Variants in TRIM16 observed in about 807,000 individuals in gnomAD.
The protein encoded by TRIM16 is tripartite motif containing 16, also known as tripartite motif-containing protein 16.
A neutral mutation model predicts 50.4 loss-of-function variants in TRIM16; 33 were observed. The ratio of observed to expected loss-of-function variants is 0.65; its 90% CI spans 0.50 to 0.88. TRIM16 has a LOEUF of 0.88. TRIM16 is among the 40% of genes least tolerant of loss of function. TRIM16 has a pLI of 0.00. For synonymous variants in TRIM16, 229 were observed against 270.7 expected (o/e 0.85, Z 1.51); for missense variants, 581 against 686.8 (o/e 0.85, Z 1.72).
chr17:15,656,918 TGGC>T (rs1988009226), intron 6 of TRIM16, among the ~76,000 whole-genome samples: 2 of 151,662 alleles, frequency 1.3e-5, no homozygotes, highest in African/African-American at 2.4e-5. Flanking sequence ...CCACCACACT[TGGC>T]TAATTTGTAA....
At chr17:15,676,006 C>A (rs1233704747) in intron 6 of TRIM16, among the ~76,000 whole-genome samples, 1 of 151,912 alleles carries the variant, frequency 6.6e-6, no homozygotes, top group Non-Finnish European at 1.5e-5. Context: ...CAAATCTGTA[C>A]CCCCAGTTAA....
chr17:15,628,353 G>T lies in TRIM16; in HGVS notation c.*262C>A, dbSNP rs1470638843. ...GAACTCGGGAGGCGGAGCTTGCAGT[G>T]AGCCAAGATCGCGCCACTGCTCTCC... is the stretch of plus-strand genomic sequence containing the variant. On this transcript the variant is annotated 3_prime_UTR_variant, in exon 12 of 12. Coordinates refer to ENST00000649191, the MANE Select transcript of TRIM16 (RefSeq NM_001348119.1). The T allele has an allele frequency of 8.6e-6, 3 of 349,332 alleles. No homozygotes were observed. The highest frequency in any genetic ancestry group is 6.3e-5 in the African/African-American group (3 of 47,380). The allele number at this position is 349,332 out of a possible 1,614,324, so 21.6% of individuals were successfully genotyped here. A position where few individuals can be genotyped will look rare whatever the true frequency, so the allele number is the denominator to read the frequency against.
At position 15,632,509 on chromosome 17, in the gene TRIM16, C is replaced by T; in HGVS notation, c.1015G>A (p.Glu339Lys). Residue 339 changes from glutamate to lysine, a missense_variant and splice_region_variant, in exon 10 of 12, where the codon GAG becomes AAG. Transcript: ENST00000649191. ...KKKLQEFSKEEEYDIRTQVSA... is the reference protein window; with the variant it reads ...KKKLQEFSKEKEYDIRTQVSA... ...GTCCATGGCCCAGAATGCGTCTCACCTTCCTTGGAAAACTCCTGGAGCTTT... is the reference window on the plus strand; with the variant it reads ...GTCCATGGCCCAGAATGCGTCTCACTTTCCTTGGAAAACTCCTGGAGCTTT... 6.2e-7 allele frequency: 1 copy of T among 1,611,334 alleles called. No individual in the cohort carries two copies. Among genetic ancestry groups the T allele is most frequent in the Non-Finnish European group, 8.5e-7 (1 of 1,178,362 alleles).
At chr17:15,657,238 T>G (rs776969699) in intron 6 of TRIM16, among the ~76,000 whole-genome samples, 38 of 152,188 alleles carry the variant, frequency 2.5e-4, no homozygotes, top group Admixed American at 1.6e-3. Flanking sequence ...GGCTGGGTTG[T>G]TTGTTTGTTT....
At chr17:15,653,687 TC>T (rs1433380312) in intron 6 of TRIM16, among the ~76,000 whole-genome samples, 3 of 152,200 alleles carry the variant, frequency 2.0e-5, no homozygotes, top group Non-Finnish European at 4.4e-5. Flanking sequence ...TACAGTCACA[TC>T]TGAGGTATTA....
At chr17:15,675,988 GCAACTCC>G (rs2151425504) in intron 6 of TRIM16, among the ~76,000 whole-genome samples, 1 of 151,666 alleles carries the variant, frequency 6.6e-6, no homozygotes, top group East Asian at 1.9e-4. Context: ...CCATTCTCAG[GCAACTCC>G]CAAATCTGTA....
At chr17:15,638,195 C>T (rs373025183) in intron 8 of TRIM16, among the ~76,000 whole-genome samples, 2 of 129,054 alleles carry the variant, frequency 1.5e-5, no homozygotes, top group Middle Eastern at 3.6e-3. Flanking sequence ...ACTATTGTCC[C>T]ATGACCCTGC....
At chr17:15,683,713 C>T (rs1689413812) in intron 1 of TRIM16, 1 of 154,990 alleles carries the variant, frequency 6.5e-6, no homozygotes, top group Admixed American at 6.3e-5. Context: ...AGGTAAAGAA[C>T]ACGAGACACA....
rs547075214 is a variant in TRIM16, at chr17:15,648,035, C to T, written c.519+3056G>A. Among the ~76,000 whole-genome samples the T allele has an allele frequency of 4.2e-4, 64 of 152,016 alleles. 2 individuals are homozygous for T. Among genetic ancestry groups the T allele is most frequent in the African/African-American group, 1.4e-3 (60 of 41,446 alleles). The stretch of plus-strand genomic sequence containing the variant: ...GGTCAGGAGATCGAGACCATCCTGG[C>T]TAACACGGTGAAACCCCATCTCTAT... On this transcript the variant is annotated intron_variant, in intron 7 of 11. Transcript: ENST00000649191.
intron 4 of TRIM16, among the ~76,000 whole-genome samples, chr17:15,679,696 G>C (rs1989098374): frequency 6.6e-6 from 1 of 152,310 alleles, no homozygotes; most frequent in African/African-American, 2.4e-5. Flanking sequence ...CCAGCACTTT[G>C]GGAGGCCGAG....
intron 7 of TRIM16, among the ~76,000 whole-genome samples, chr17:15,647,766 A>G (rs1262687976): frequency 1.3e-5 from 2 of 151,520 alleles, no homozygotes; most frequent in Non-Finnish European, 2.9e-5. Context: ...TACCTGCTTC[A>G]TGGGTCAGAA....
At chr17:15,636,346 GA>G in intron 8 of TRIM16, 77 bp from the exon 9 acceptor site, 2 of 1,504,826 alleles carry the variant, frequency 1.3e-6, no homozygotes, top group Non-Finnish European at 1.8e-6. Context: ...TCAACATACA[GA>G]AATGTCAGCT....
intron 6 of TRIM16, among the ~76,000 whole-genome samples, chr17:15,659,153 A>G (rs2150925678): frequency 6.6e-6 from 1 of 152,346 alleles, no homozygotes; most frequent in Non-Finnish European, 1.5e-5. Flanking sequence ...GAAGGACCCC[A>G]CTACTGGATG....
intron 6 of TRIM16, among the ~76,000 whole-genome samples, chr17:15,662,285 T>C (rs1220826069): frequency 1.3e-5 from 2 of 152,216 alleles, no homozygotes; most frequent in East Asian, 3.9e-4. Flanking sequence ...AGAATTTAAA[T>C]GCACACTTGT....
intron 6 of TRIM16, among the ~76,000 whole-genome samples, chr17:15,657,919 A>T (rs569218870): frequency 6.6e-6 from 1 of 152,344 alleles, no homozygotes; most frequent in South Asian, 2.1e-4. Flanking sequence ...CTCTTGCATA[A>T]AATGAAGTGT....
intron 6 of TRIM16, among the ~76,000 whole-genome samples, chr17:15,655,874 C>T (rs919652955): frequency 2.6e-5 from 4 of 152,178 alleles, no homozygotes; most frequent in African/African-American, 7.2e-5. Context: ...GCGCCCAACG[C>T]GTGTCCCCAC....
At chr17:15,637,166 A>G (rs1180101263) in intron 8 of TRIM16, among the ~76,000 whole-genome samples, 11 of 73,554 alleles carry the variant, frequency 1.5e-4, no homozygotes, top group Admixed American at 3.4e-4. Flanking sequence ...TCCGGGAGGG[A>G]GGTGGGGGGG....
chr17:15,645,081 T>G (rs1303277536), intron 7 of TRIM16, among the ~76,000 whole-genome samples: 1 of 152,214 alleles, frequency 6.6e-6, no homozygotes, highest in Non-Finnish European at 1.5e-5. Flanking sequence ...CCCAAACTGT[T>G]GGGATTACAG....
At chr17:15,669,560 T>C (rs1445604740) in intron 6 of TRIM16, among the ~76,000 whole-genome samples, 2 of 151,922 alleles carry the variant, frequency 1.3e-5, no homozygotes, top group African/African-American at 4.9e-5. Context: ...CCCTTTCTTT[T>C]ACTTATACAC....
Sources: gnomAD v4.1 joint callset for allele counts (sites outside exome capture counted in the v4.1 genomes callset) on GRCh38, gnomAD v4.1.1 for gene constraint, MANE v1.5 for transcripts, NCBI Gene and HGNC (gene_info 2026-07-23, HGNC 2026-07-21) for gene names.